The following GLI2 variants were observed in gnomAD, a reference collection of about 807,000 sequenced individuals.
GLI2 encodes transcription activator GLI2.
Under a neutral mutation model 78.9 loss-of-function variants are expected in GLI2, and 22 were observed. The ratio of observed to expected loss-of-function variants is 0.28; its 90% CI spans 0.20 to 0.40. The LOEUF (loss-of-function observed/expected upper bound fraction) is 0.40. Among genes scored for constraint, GLI2 ranks in the 10% least tolerant of loss-of-function variants. GLI2 has a pLI of 1.00. For synonymous variants in GLI2, 974 were observed against 963.7 expected (o/e 1.01, Z -0.20); for missense variants, 2,097 against 2,213.2 (o/e 0.95, Z 1.05).
chr2:120,784,230 C>G (rs973246798), intron 1 of GLI2, among the ~76,000 whole-genome samples: 1 of 152,218 alleles, frequency 6.6e-6, no homozygotes, highest in Non-Finnish European at 1.5e-5. Context: ...GTGAAGCACA[C>G]TGTAGAAGCT....
At chr2:120,745,901 G>A (rs981365442) in intron 1 of GLI2, among the ~76,000 whole-genome samples, 1 of 152,190 alleles carries the variant, frequency 6.6e-6, no homozygotes, top group African/African-American at 2.4e-5. Context: ...ACAGTAGATT[G>A]CAGGCTCTTG....
intron 3 of GLI2, among the ~76,000 whole-genome samples, chr2:120,948,105 C>T (rs933770424): frequency 2.0e-5 from 3 of 152,184 alleles, no homozygotes; most frequent in East Asian, 1.9e-4. Context: ...GGTAGTGCCT[C>T]GATGAGGGAG....
chr2:120,798,706 G>T (rs1171171077), intron 2 of GLI2, among the ~76,000 whole-genome samples: 2 of 152,134 alleles, frequency 1.3e-5, no homozygotes, highest in African/African-American at 4.8e-5. Flanking sequence ...GTGAGGAGGG[G>T]CCAGCTGGGG....
chr2:120,982,799 G>A lies in GLI2; in HGVS notation c.1551G>A (p.Val517=), dbSNP rs766011846. 6.2e-7 allele frequency: 1 copy of A among 1,614,142 alleles called. No individual in the cohort carries two copies. Among genetic ancestry groups the A allele is most frequent in the East Asian group, 2.2e-5 (1 of 44,868 alleles). ...CCCACACCGGGGAGAAGCCATATGT[G>A]TGTGAGCACGAGGGCTGCAACAAAG... ...LRSHTGEKPY[V]CEHEGCNKAF... Residue 517 remains valine (V), a synonymous_variant, in exon 11 of 14, where the codon GTG becomes GTA. Coordinates refer to ENST00000361492, the MANE Select transcript of GLI2 (RefSeq NM_001374353.1).
chr2:120,899,146 A>G (rs1678123230), intron 2 of GLI2, among the ~76,000 whole-genome samples: 1 of 152,172 alleles, frequency 6.6e-6, no homozygotes, highest in Non-Finnish European at 1.5e-5. Flanking sequence ...TCTTTCCTGG[A>G]GATCAATCTG....
chr2:120,916,011 A>G (rs1244404085), intron 2 of GLI2, among the ~76,000 whole-genome samples: 1 of 152,216 alleles, frequency 6.6e-6, no homozygotes, highest in Admixed American at 6.5e-5. Context: ...TTACTGTGCA[A>G]CTGGGAACTA....
chr2:120,751,253 C>T (rs1274756623), intron 1 of GLI2, among the ~76,000 whole-genome samples: 1 of 152,194 alleles, frequency 6.6e-6, no homozygotes, highest in East Asian at 1.9e-4. Context: ...AACATTTGTT[C>T]TTCTAGATTT....
intron 2 of GLI2, among the ~76,000 whole-genome samples, chr2:120,832,973 A>G (rs1274743665): frequency 6.6e-6 from 1 of 152,000 alleles, no homozygotes; most frequent in Non-Finnish European, 1.5e-5. Context: ...GGGATGTACT[A>G]GGTTGTGCTC....
rs1019196430 is a variant in GLI2, at chr2:120,951,430, C to T, written c.442C>T (p.Leu148Phe). 4 of 1,609,858 alleles carry T rather than the reference C, an allele frequency of 2.5e-6. No individual in the cohort carries two copies. Among genetic ancestry groups the T allele is most frequent in the East Asian group, 2.2e-5 (1 of 44,844 alleles). Residue 148 changes from leucine to phenylalanine, a missense_variant, in exon 4 of 14, where the codon CTC becomes TTC. Coordinates refer to ENST00000361492, the MANE Select transcript of GLI2 (RefSeq NM_001374353.1). Reference protein sequence around the residue: ...TLSMISAARGLSPADVAQEHL... With the variant: ...TLSMISAARGFSPADVAQEHL... ...CTCCATGATCTCTGCAGCCAGGGGCCTCAGCCCCGCTGATGGTGAGTAGGG... is the reference window on the plus strand; with the variant it reads ...CTCCATGATCTCTGCAGCCAGGGGCTTCAGCCCCGCTGATGGTGAGTAGGG...
intron 1 of GLI2, among the ~76,000 whole-genome samples, chr2:120,777,968 G>A (rs1227014711): frequency 6.6e-6 from 1 of 152,090 alleles, no homozygotes; most frequent in Non-Finnish European, 1.5e-5. Context: ...GGAGGCCATG[G>A]GGGGCAGGCA....
intron 10 of GLI2, among the ~76,000 whole-genome samples, chr2:120,981,558 GA>G (rs776393209): frequency 3.9e-5 from 6 of 152,162 alleles, no homozygotes; most frequent in Non-Finnish European, 7.3e-5. Context: ...ATAGCCCTTT[GA>G]TGATATGAGC....
Position 120,838,411 on chromosome 2 carries a change from AG to A in GLI2, c.148+40944del, listed in dbSNP as rs1254106447. ...TTAAATGTGTCCCTACAAATTTTATAGACATTTTATTTAATCTTGTCATTTA... is the reference window on the plus strand; with the variant it reads ...TTAAATGTGTCCCTACAAATTTTATAACATTTTATTTAATCTTGTCATTTA... On this transcript the variant is annotated intron_variant, in intron 2 of 13. Transcript: ENST00000361492. Among the ~76,000 whole-genome samples the A allele has an allele frequency of 4.6e-5, 7 of 152,344 alleles. 1 individual carries two copies. The South Asian group carries it at 1.2e-3, about 27-fold the overall frequency.
At position 120,989,481 on chromosome 2, in the gene GLI2, A is replaced by T; in HGVS notation, c.3516A>T (p.Gln1172His). 1 of 1,612,992 alleles carries T rather than the reference A, an allele frequency of 6.2e-7. No homozygotes were observed. Among genetic ancestry groups the T allele is most frequent in the Non-Finnish European group, 8.5e-7 (1 of 1,179,898 alleles). The part of the protein sequence containing the change: ...AFGQYPGYSP[Q>H]GLQASPGGLD... ...GCCAGTACCCGGGCTACAGTCCGCA[A>T]GGCCTACAGGCTAGCCCTGGGGGCC... The change falls in exon 14 of 14, where the codon CAA becomes CAT. Residue 1172 changes from glutamine to histidine, a missense_variant. Physicochemically the swap from Gln to His is conservative, Grantham distance 24. Around this residue, in one of 5 missense-constraint regions of GLI2, gnomAD observed 1,290 missense variants for 1,261.7 expected, o/e 1.02. Transcript: ENST00000361492.
At chr2:120,961,963 GT>G (rs1404766088) in intron 5 of GLI2, among the ~76,000 whole-genome samples, 3 of 151,498 alleles carry the variant, frequency 2.0e-5, no homozygotes, top group Non-Finnish European at 3.0e-5. Flanking sequence ...CTGGGACCAG[GT>G]GCCAGGATGA....
At position 120,830,766 on chromosome 2, in the gene GLI2, C is replaced by G. The variant is rs13383185; in HGVS notation, c.148+33298C>G. The stretch of plus-strand genomic sequence containing the variant: ...TGCCCGTCCTGGTCCCCACCATGTT[C>G]CCTCTGTTTTCTGGGTGACTCTCTC... On this transcript the variant is annotated intron_variant, in intron 2 of 13. Transcript: ENST00000361492. Among the ~76,000 whole-genome samples the G allele has an allele frequency of 7.4e-3, 1,131 of 152,236 alleles. 17 individuals are homozygous for G. The highest frequency in any genetic ancestry group is 0.025 in the African/African-American group (1,027 of 41,564).
intron 2 of GLI2, among the ~76,000 whole-genome samples, chr2:120,821,463 T>A (rs1685772175): frequency 6.6e-6 from 1 of 152,130 alleles, no homozygotes; most frequent in South Asian, 2.1e-4. Flanking sequence ...GGAGGGAGTT[T>A]GGTCTCATTC....
At chr2:120,802,183 GTCGGA>G (rs1684739203) in intron 2 of GLI2, among the ~76,000 whole-genome samples, 2 of 152,186 alleles carry the variant, frequency 1.3e-5, no homozygotes, top group Non-Finnish European at 2.9e-5. Context: ...AGTCCATGAG[GTCGGA>G]CCTGTTGGGG....
intron 3 of GLI2, among the ~76,000 whole-genome samples, chr2:120,947,733 G>C (rs1408753047): frequency 2.0e-5 from 3 of 152,244 alleles, no homozygotes; most frequent in Non-Finnish European, 4.4e-5. Flanking sequence ...CAGCATTCTG[G>C]CTGAGGCTAC....
intron 2 of GLI2, among the ~76,000 whole-genome samples, chr2:120,804,354 C>A (rs11122817): frequency 0.49 from 74,607 of 152,036 alleles, 21,364 homozygotes; most frequent in South Asian, 0.7. Flanking sequence ...TCCCCACATC[C>A]CCGCTTGCAG....
Sources: allele counts gnomAD v4.1 joint callset (sites outside exome capture counted in the v4.1 genomes callset), GRCh38; gene constraint gnomAD v4.1.1; regional missense constraint gnomAD v4.1.1; transcripts MANE v1.5; gene names NCBI Gene and HGNC (gene_info 2026-07-23, HGNC 2026-07-21).